C19orf38: variants seen among roughly 807,000 people sequenced by gnomAD.
C19orf38 encodes the protein chromosome 19 open reading frame 38, also known as protein HIDE1.
In C19orf38, 14 loss-of-function variants were observed where a neutral mutation model predicts 26.6. The ratio of observed to expected loss-of-function variants is 0.53; its 90% CI spans 0.35 to 0.82. The LOEUF (loss-of-function observed/expected upper bound fraction) is 0.82, where lower values mean the gene tolerates loss of function less well. Ranked by LOEUF, C19orf38 falls within the 40% of genes least tolerant of loss-of-function variation. C19orf38 has a pLI of 0.01. For synonymous variants in C19orf38, 132 were observed against 128.5 expected (o/e 1.03, Z -0.18); for missense variants, 261 against 299.5 (o/e 0.87, Z 0.95).
At chr19:10,848,794 C>A (rs1003596275) in intron 1 of C19orf38, among the ~76,000 whole-genome samples, 2 of 151,996 alleles carry the variant, frequency 1.3e-5, no homozygotes, top group African/African-American at 2.4e-5. Flanking sequence ...CAGCTGTGCC[C>A]ACACCCCATG....
At chr19:10,854,542 C>G (rs892883912) in intron 2 of C19orf38, among the ~76,000 whole-genome samples, 1 of 152,224 alleles carries the variant, frequency 6.6e-6, no homozygotes, top group Admixed American at 6.6e-5. Context: ...GACAACACCC[C>G]TTCTGCCCCA....
chr19:10,837,501 T>C (rs2073443136), intron 1 of C19orf38, among the ~76,000 whole-genome samples: 10 of 144,956 alleles, frequency 6.9e-5, no homozygotes, highest in South Asian at 4.4e-4. Context: ...AATTTTTTTT[T>C]CCTTTTTTTT....
chr19:10,851,620 G>C (rs1315260844), intron 2 of C19orf38, among the ~76,000 whole-genome samples: 5 of 152,088 alleles, frequency 3.3e-5, no homozygotes, highest in Non-Finnish European at 7.4e-5. Flanking sequence ...GATCACCTGA[G>C]GTCAGAGCTT....
intron 6 of C19orf38, among the ~76,000 whole-genome samples, chr19:10,864,007 C>T (rs1031265805): frequency 2.0e-5 from 3 of 152,126 alleles, no homozygotes; most frequent in East Asian, 1.9e-4. Flanking sequence ...AGGTTTAAAT[C>T]CCAGCCCTGA....
At chr19:10,860,198 C>G (rs998749514) in intron 5 of C19orf38, 16 of 495,610 alleles carry the variant, frequency 3.2e-5, no homozygotes, top group African/African-American at 2.9e-4. Flanking sequence ...CTGCTACTTA[C>G]AGGACCCCAG....
intron 1 of C19orf38, chr19:10,841,981 A>C: frequency 1.9e-6 from 3 of 1,610,638 alleles, no homozygotes; most frequent in Non-Finnish European, 2.5e-6. Context: ...TCAGGTCTTA[A>C]ATCTGGAGAA....
chr19:10,858,436 C>A, intron 4 of C19orf38, 93 bp downstream of exon 4: 2 of 1,245,698 alleles, frequency 1.6e-6, no homozygotes, highest in Non-Finnish European at 2.2e-6. Flanking sequence ...CCACAAACAG[C>A]GCCTCCTGGT....
chr19:10,852,337 G>A (rs1295808623), intron 2 of C19orf38, among the ~76,000 whole-genome samples: 2 of 152,098 alleles, frequency 1.3e-5, no homozygotes, highest in Non-Finnish European at 2.9e-5. Flanking sequence ...AGACATTCCA[G>A]GCTGACATTC....
intron 5 of C19orf38, among the ~76,000 whole-genome samples, chr19:10,862,453 C>T (rs1238484879): frequency 1.3e-5 from 2 of 152,096 alleles, no homozygotes; most frequent in Non-Finnish European, 2.9e-5. Flanking sequence ...GATCCTCCCT[C>T]CTTGGCCTTC....
intron 2 of C19orf38, among the ~76,000 whole-genome samples, chr19:10,853,741 G>A (rs2073596815): frequency 6.7e-6 from 1 of 149,326 alleles, no homozygotes; most frequent in Non-Finnish European, 1.5e-5. Context: ...ACAGGCATGT[G>A]CCACCATGCC....
intron 6 of C19orf38, among the ~76,000 whole-genome samples, chr19:10,868,026 T>C (rs1303776525): frequency 6.6e-6 from 1 of 152,184 alleles, no homozygotes; most frequent in Non-Finnish European, 1.5e-5. Context: ...ATTCAATTGT[T>C]GATGGACACT....
At chr19:10,859,716 G>A (rs957522471) in intron 4 of C19orf38, among the ~76,000 whole-genome samples, 199 bp from the exon 5 acceptor site, 5 of 151,812 alleles carry the variant, frequency 3.3e-5, no homozygotes, top group African/African-American at 1.2e-4. Flanking sequence ...TCTTCCCCCG[G>A]CCAAGGGGCT....
chr19:10,849,607 G>A (rs371063438), intron 1 of C19orf38, among the ~76,000 whole-genome samples: 1 of 152,062 alleles, frequency 6.6e-6, no homozygotes, highest in Non-Finnish European at 1.5e-5. Flanking sequence ...AATTAGCCAG[G>A]CATGGTGGCA....
chr19:10,860,139 G>T, intron 5 of C19orf38, 181 bp downstream of exon 5: 1 of 635,618 alleles, frequency 1.6e-6, no homozygotes, highest in South Asian at 1.8e-5. Context: ...TAACCTAAAG[G>T]TCACCTCCTC....
chr19:10,840,411 A>G (rs2073470294), intron 1 of C19orf38, among the ~76,000 whole-genome samples: 1 of 152,154 alleles, frequency 6.6e-6, no homozygotes, highest in Non-Finnish European at 1.5e-5. Flanking sequence ...AAGTTCAAGT[A>G]ATTCTCCTGC....
intron 2 of C19orf38, 49 bp downstream of exon 2, chr19:10,850,616 A>T (rs1168844619): frequency 6.5e-7 from 1 of 1,529,778 alleles, no homozygotes; most frequent in Non-Finnish European, 8.8e-7. Context: ...ATTTTCTCAC[A>T]TGGACCTCTT....
intron 4 of C19orf38, among the ~76,000 whole-genome samples, chr19:10,859,290 GTATA>G (rs35597231): frequency 3.0e-5 from 4 of 131,490 alleles, no homozygotes; most frequent in Admixed American, 7.9e-5. Flanking sequence ...ATGTGTGTGT[GTATA>G]TGTGTGTGTG....
intron 4 of C19orf38, among the ~76,000 whole-genome samples, chr19:10,858,936 GT>G (rs33931525): frequency 0.13 from 18,165 of 135,666 alleles, 1,254 homozygotes; most frequent in East Asian, 0.38. Flanking sequence ...ATATATATAT[GT>G]TTTTTTTTTT....
At chr19:10,866,315 C>T (rs918601583) in intron 6 of C19orf38, among the ~76,000 whole-genome samples, 4 of 151,198 alleles carry the variant, frequency 2.6e-5, no homozygotes, top group Admixed American at 2.6e-4. Context: ...ATTCTCCTGC[C>T]GAGTAGCTGG....
Sources: gnomAD v4.1 joint callset for allele counts (sites outside exome capture counted in the v4.1 genomes callset) on GRCh38, gnomAD v4.1.1 for gene constraint, MANE v1.5 for transcripts, NCBI Gene and HGNC (gene_info 2026-07-23, HGNC 2026-07-21) for gene names.